POU6F2: variants seen among roughly 807,000 people sequenced by gnomAD.
The protein encoded by POU6F2 is POU domain, class 6, transcription factor 2.
Under a neutral mutation model 71.3 loss-of-function variants are expected in POU6F2, and 31 were observed. The ratio of observed to expected loss-of-function variants is 0.43; its 90% CI spans 0.33 to 0.59. The LOEUF is 0.59. Ranked by LOEUF, POU6F2 falls within the 20% of genes least tolerant of loss-of-function variation. The probability of loss-of-function intolerance (pLI) is 0.04; values close to 1 mark genes in which losing one functional copy is unlikely to be tolerated. For missense variants in POU6F2, 783 were observed against 856.8 expected, an observed-to-expected ratio of 0.91 and a Z score of 1.07; for synonymous variants, 347 against 355.7, an observed-to-expected ratio of 0.98 and a Z score of 0.27.
rs1033247912 is a variant in POU6F2 at position 39,399,448 on chromosome 7, A to T, written c.973-7152A>T. On this transcript the variant is annotated intron_variant, in intron 5 of 9. Transcript: ENST00000518318. ...TGGCTACAAATTGGAGATTCCCACC[A>T]TTCCCTCCTCATGCACAATAATTTG... is the stretch of plus-strand genomic sequence containing the variant. Among the ~76,000 whole-genome samples the T allele has an allele frequency of 3.3e-5, 5 of 152,340 alleles. 1 individual carries two copies. Among genetic ancestry groups the T allele is most frequent in the South Asian group, 4.1e-4 (2 of 4,824 alleles).
chr7:39,138,658 C>G (rs1048250193), intron 2 of POU6F2, among the ~76,000 whole-genome samples: 1 of 152,130 alleles, frequency 6.6e-6, no homozygotes, highest in Non-Finnish European at 1.5e-5. Context: ...CCCACTGATT[C>G]TACATTATGG....
intron 1 of POU6F2, among the ~76,000 whole-genome samples, chr7:39,046,880 G>A (rs1366509679): frequency 6.6e-6 from 1 of 151,894 alleles, no homozygotes; most frequent in Non-Finnish European, 1.5e-5. Flanking sequence ...TGTGCATGTG[G>A]TATGAGATAA....
intron 5 of POU6F2, among the ~76,000 whole-genome samples, chr7:39,374,527 G>C (rs2237408): frequency 0.19 from 28,368 of 152,062 alleles, 2,887 homozygotes; most frequent in East Asian, 0.49. Flanking sequence ...AAGCCCCCCA[G>C]ATTCTTAAAA....
chr7:39,373,845 GA>G (rs2115764066), intron 5 of POU6F2: 1 of 167,344 alleles, frequency 6.0e-6, no homozygotes, highest in East Asian at 1.5e-4. Flanking sequence ...ACTTTTCATA[GA>G]TCTTAACTCT....
chr7:39,279,631 A>T (rs1784523154), intron 4 of POU6F2, among the ~76,000 whole-genome samples: 1 of 152,184 alleles, frequency 6.6e-6, no homozygotes, highest in South Asian at 2.1e-4. Flanking sequence ...CCTCACTTTC[A>T]GTGGTTTGCC....
intron 2 of POU6F2, among the ~76,000 whole-genome samples, chr7:39,125,737 C>T (rs1339910602): frequency 6.9e-6 from 1 of 144,292 alleles, no homozygotes; most frequent in African/African-American, 2.5e-5. Context: ...TTTGCATATA[C>T]ATTTGTTAAA....
intron 1 of POU6F2, among the ~76,000 whole-genome samples, chr7:39,038,969 G>A (rs10230554): frequency 0.072 from 10,968 of 151,910 alleles, 528 homozygotes; most frequent in African/African-American, 0.13. Context: ...AGACAAAACT[G>A]CTTATGAAGT....
Position 39,467,295 on chromosome 7 carries a change from G to A in POU6F2, c.*2609G>A, listed in dbSNP as rs939004040. ...CAAGGCATAAAAAGGTGCCTGAACC[G>A]ATTCTTAGGAATATAAATTATACTG... On this transcript the variant is annotated 3_prime_UTR_variant, in exon 10 of 10. Coordinates refer to ENST00000518318, the MANE Select transcript of POU6F2 (RefSeq NM_001370959.1). 3.3e-5 allele frequency: 5 copies of A among 152,112 alleles called. No homozygotes were observed. Among genetic ancestry groups the A allele is most frequent in the Admixed American group, 2.6e-4 (4 of 15,276 alleles). The allele number at this position is 152,112 out of a possible 1,614,324, so 9.4% of individuals were successfully genotyped here.
chr7:39,161,352 C>T (rs1488141412), intron 2 of POU6F2, among the ~76,000 whole-genome samples: 3 of 152,154 alleles, frequency 2.0e-5, no homozygotes, highest in Admixed American at 6.5e-5. Context: ...GAGTCACTTC[C>T]GTCTGCCTGA....
At chr7:39,072,075 T>C (rs1790893378) in intron 1 of POU6F2, among the ~76,000 whole-genome samples, 1 of 152,166 alleles carries the variant, frequency 6.6e-6, no homozygotes, top group Non-Finnish European at 1.5e-5. Flanking sequence ...GAAAGGTAGA[T>C]ACATGGGCCC....
At chr7:39,231,471 A>T (rs774293133) in intron 4 of POU6F2, among the ~76,000 whole-genome samples, 4 of 152,156 alleles carry the variant, frequency 2.6e-5, no homozygotes. Flanking sequence ...ATATAATTAT[A>T]CCCTTTTATA....
At chr7:39,027,085 A>G (rs1369330197) in intron 1 of POU6F2, among the ~76,000 whole-genome samples, 1 of 152,184 alleles carries the variant, frequency 6.6e-6, no homozygotes, top group Non-Finnish European at 1.5e-5. Context: ...TAGGATTAGT[A>G]AAAGACATAA....
intron 2 of POU6F2, among the ~76,000 whole-genome samples, chr7:39,155,230 C>G (rs1792845264): frequency 7.8e-6 from 1 of 128,108 alleles, no homozygotes; most frequent in South Asian, 2.4e-4. Flanking sequence ...AAATATTTCT[C>G]TTGCTATTAC....
At chr7:39,022,838 G>T (rs1258703454) in intron 1 of POU6F2, among the ~76,000 whole-genome samples, 1 of 151,980 alleles carries the variant, frequency 6.6e-6, no homozygotes, top group Non-Finnish European at 1.5e-5. Flanking sequence ...ATGGACATAT[G>T]GTTTCATTTC....
At chr7:39,179,474 C>T (rs1204604005) in intron 2 of POU6F2, among the ~76,000 whole-genome samples, 1 of 152,228 alleles carries the variant, frequency 6.6e-6, no homozygotes, top group Non-Finnish European at 1.5e-5. Flanking sequence ...CTTGCTAAGC[C>T]CAATTGAATC....
At chr7:39,369,532 T>A (rs1786567409) in intron 5 of POU6F2, among the ~76,000 whole-genome samples, 1 of 151,842 alleles carries the variant, frequency 6.6e-6, no homozygotes, top group Admixed American at 6.6e-5. Flanking sequence ...AGCTAATTTT[T>A]TTTTGTATTT....
At chr7:39,330,556 G>A (rs1387397579) in intron 4 of POU6F2, among the ~76,000 whole-genome samples, 1 of 152,100 alleles carries the variant, frequency 6.6e-6, no homozygotes. Flanking sequence ...ATTATTTCCT[G>A]CAGAGCCAAA....
intron 2 of POU6F2, among the ~76,000 whole-genome samples, chr7:39,181,255 G>A (rs897674364): frequency 6.6e-6 from 1 of 152,100 alleles, no homozygotes; most frequent in Non-Finnish European, 1.5e-5. Flanking sequence ...GTGGTCCTTT[G>A]AGAACCTTGC....
At chr7:39,196,899 T>C (rs974895302) in intron 2 of POU6F2, among the ~76,000 whole-genome samples, 2 of 152,170 alleles carry the variant, frequency 1.3e-5, no homozygotes, top group Admixed American at 6.5e-5. Context: ...CCCAAAATTG[T>C]ATGGAAACCG....
Sources: allele counts gnomAD v4.1 joint callset (sites outside exome capture counted in the v4.1 genomes callset), GRCh38; gene constraint gnomAD v4.1.1; transcripts MANE v1.5; gene names NCBI Gene and HGNC (gene_info 2026-07-23, HGNC 2026-07-21).